HRH1: variants seen among roughly 807,000 people sequenced by gnomAD.
The protein encoded by HRH1 is histamine receptor H1, also known as histamine H1 receptor.
A neutral mutation model predicts 10.3 loss-of-function variants in HRH1; 6 were observed. That is an observed-to-expected ratio of 0.58 (90% CI 0.32 to 1.15). HRH1 has a LOEUF of 1.15. Ranked by LOEUF, HRH1 falls within the 50% of genes most tolerant of loss-of-function variation. HRH1 has a pLI of 0.05. For synonymous variants in HRH1, 242 were observed against 236.7 expected, an observed-to-expected ratio of 1.02 and a Z score of -0.21; for missense variants, 514 against 615.3, an observed-to-expected ratio of 0.84 and a Z score of 1.74.
chr3:11,242,920 T>C (rs1323150939), intron 1 of HRH1, among the ~76,000 whole-genome samples: 3 of 152,040 alleles, frequency 2.0e-5, no homozygotes, highest in African/African-American at 7.3e-5. Flanking sequence ...CTCTCTTTTT[T>C]TTTTCCTTTT....
chr3:11,148,180 CAA>C (rs58792725), intron 1 of HRH1, among the ~76,000 whole-genome samples: 28 of 85,962 alleles, frequency 3.3e-4, no homozygotes, highest in Non-Finnish European at 2.8e-4. Flanking sequence ...CTCTGTCAAA[CAA>C]AAAAAAAAAA....
chr3:11,148,315 C>A (rs1936507786), intron 1 of HRH1, among the ~76,000 whole-genome samples: 1 of 152,142 alleles, frequency 6.6e-6, no homozygotes, highest in African/African-American at 2.4e-5. Context: ...TCCTCCCTAC[C>A]TTCACCACTG....
intron 1 of HRH1, among the ~76,000 whole-genome samples, chr3:11,216,162 A>G (rs1938485926): frequency 6.6e-6 from 1 of 152,222 alleles, no homozygotes; most frequent in South Asian, 2.1e-4. Context: ...TTAAAAGAGC[A>G]TAAAGGATGA....
At chr3:11,234,750 C>T (rs1939131812) in intron 1 of HRH1, among the ~76,000 whole-genome samples, 1 of 152,198 alleles carries the variant, frequency 6.6e-6, no homozygotes, top group South Asian at 2.1e-4. Flanking sequence ...GCCATGACCT[C>T]CCTCTCCTCA....
At chr3:11,210,797 G>GAAA (rs59390388) in intron 1 of HRH1, among the ~76,000 whole-genome samples, 20 of 135,328 alleles carry the variant, frequency 1.5e-4, no homozygotes, top group Non-Finnish European at 1.1e-4. Context: ...TGTCTCAAAA[G>GAAA]AAAAAAAAAA....
At chr3:11,181,907 A>G (rs1245256137) in intron 1 of HRH1, among the ~76,000 whole-genome samples, 2 of 152,118 alleles carry the variant, frequency 1.3e-5, no homozygotes, top group African/African-American at 4.8e-5. Flanking sequence ...CTGGGATTAC[A>G]GGCATGAGCC....
intron 1 of HRH1, among the ~76,000 whole-genome samples, chr3:11,182,511 A>T (rs1375148064): frequency 1.3e-5 from 2 of 152,162 alleles, no homozygotes; most frequent in Non-Finnish European, 2.9e-5. Flanking sequence ...TCCCCTATCT[A>T]TCCATTTCAT....
intron 1 of HRH1, among the ~76,000 whole-genome samples, chr3:11,183,718 ATTTCT>A (rs1937399948): frequency 1.3e-5 from 2 of 149,856 alleles, no homozygotes; most frequent in African/African-American, 2.5e-5. Flanking sequence ...TAGGCTGGAA[ATTTCT>A]TTTTTTTTTT....
chr3:11,201,139 T>C (rs1285700229), intron 1 of HRH1, among the ~76,000 whole-genome samples: 2 of 152,198 alleles, frequency 1.3e-5, no homozygotes, highest in East Asian at 1.9e-4. Flanking sequence ...CTGTCCAAAC[T>C]GGAGCTCAAA....
At position 11,227,548 on chromosome 3, in the gene HRH1, A is replaced by G. The variant is rs558870041; in HGVS notation, c.-35-31455A>G. Among the ~76,000 whole-genome samples, 8 of 151,996 alleles carry G rather than the reference A, an allele frequency of 5.3e-5. No individual in the cohort carries two copies. In the East Asian group the frequency reaches 1.6e-3, roughly 29 times the overall value. ...TGATCTGCCCACCTCAGCCTCCCAA[A>G]GTGCTGGGATTACAGACGTGAGCCA... On this transcript the variant is annotated intron_variant, in intron 1 of 1. Coordinates refer to ENST00000431010, the MANE Select transcript of HRH1 (RefSeq NM_001098212.2).
chr3:11,169,364 G>A (rs1442034373), intron 1 of HRH1, among the ~76,000 whole-genome samples: 1 of 152,174 alleles, frequency 6.6e-6, no homozygotes, highest in Non-Finnish European at 1.5e-5. Flanking sequence ...GTTTGAAGTA[G>A]ACGCCTCATT....
chr3:11,173,623 A>AAT, intron 1 of HRH1, among the ~76,000 whole-genome samples: 1 of 151,862 alleles, frequency 6.6e-6, no homozygotes, highest in East Asian at 1.9e-4. Context: ...ATATATTTTA[A>AAT]ATATATATAA....
chr3:11,261,670 C>T lies in HRH1; in HGVS notation c.*1169C>T, dbSNP rs1939960815. On this transcript the variant is annotated 3_prime_UTR_variant, in exon 2 of 2. Transcript: ENST00000431010. ...TGGCCAATATGGAGAAACCTTGTCT[C>T]TACTAAAAACACAAAAATTATCTGG... 6.2e-6 allele frequency: 1 copy of T among 162,586 alleles called. No individual in the cohort carries two copies. The highest frequency in any genetic ancestry group is 2.4e-5 in the African/African-American group (1 of 41,444). The allele number at this position is 162,586 out of a possible 1,614,324, so 10.1% of individuals were successfully genotyped here.
chr3:11,245,212 G>A (rs532589740), intron 1 of HRH1, among the ~76,000 whole-genome samples: 1 of 152,114 alleles, frequency 6.6e-6, no homozygotes, highest in African/African-American at 2.4e-5. Context: ...AATTAGCCGG[G>A]TATGGTGCTG....
chr3:11,138,195 T>TTTTTTA (rs60549823), intron 1 of HRH1, among the ~76,000 whole-genome samples: 1 of 149,512 alleles, frequency 6.7e-6, no homozygotes, highest in Non-Finnish European at 1.5e-5. Context: ...TTTTTTTTTT[T>TTTTTTA]GTATTTTTAG....
At chr3:11,150,465 T>G (rs898866021), upstream of HRH1, among the ~76,000 whole-genome samples, 1 of 152,248 alleles carries the variant, frequency 6.6e-6, no homozygotes, top group Admixed American at 6.5e-5. Flanking sequence ...CATGATGCGA[T>G]GGGTGGGGAG....
intron 1 of HRH1, among the ~76,000 whole-genome samples, chr3:11,208,053 C>T (rs1938200550): frequency 6.6e-6 from 1 of 152,202 alleles, no homozygotes; most frequent in Non-Finnish European, 1.5e-5. Context: ...GCCAAACTTT[C>T]ACACTCCCCT....
At chr3:11,238,036 C>CTTTGTTTG (rs34450745) in intron 1 of HRH1, among the ~76,000 whole-genome samples, 24,790 of 150,596 alleles carry the variant, frequency 0.16, 2,407 homozygotes, top group Admixed American at 0.27. Flanking sequence ...TTAATGCTGC[C>CTTTGTTTG]TTTGTTTGTT....
At chr3:11,254,233 C>T (rs934290626) in intron 1 of HRH1, among the ~76,000 whole-genome samples, 79 of 152,152 alleles carry the variant, frequency 5.2e-4, no homozygotes, top group Non-Finnish European at 8.8e-4. Flanking sequence ...TGGGGCTCAA[C>T]CTCTCCTACT....
Sources: allele counts gnomAD v4.1 joint callset (sites outside exome capture counted in the v4.1 genomes callset), GRCh38; gene constraint gnomAD v4.1.1; transcripts MANE v1.5; gene names NCBI Gene and HGNC (gene_info 2026-07-23, HGNC 2026-07-21).